Variants in SLC44A3 observed in about 807,000 individuals in gnomAD.
The protein encoded by SLC44A3 is choline transporter-like protein 3.
Under a neutral mutation model 75.4 loss-of-function variants are expected in SLC44A3, and 74 were observed. The observed-to-expected ratio is 0.98, with a 90% CI of 0.81 to 1.19. The LOEUF is 1.19. Among genes scored for constraint, SLC44A3 ranks in the 50% most tolerant of loss-of-function variants. The pLI, the probability that SLC44A3 is intolerant of heterozygous loss-of-function variation, is 0.00. For synonymous variants in SLC44A3, 310 were observed against 296.9 expected (o/e 1.04, Z -0.45); for missense variants, 700 against 778.6 (o/e 0.90, Z 1.20).
chr1:94,894,519 G>C (rs1281996721), intron 14 of SLC44A3, among the ~76,000 whole-genome samples: 1 of 152,152 alleles, frequency 6.6e-6, no homozygotes, highest in Non-Finnish European at 1.5e-5. Context: ...TTTGTTCCCA[G>C]CCACTAAGTG....
chr1:94,824,027 A>G (rs1016392581), intron 2 of SLC44A3, among the ~76,000 whole-genome samples: 2 of 152,196 alleles, frequency 1.3e-5, no homozygotes, highest in African/African-American at 4.8e-5. Flanking sequence ...GTTTCAGTAC[A>G]TATCAACTGT....
Position 94,824,584 on chromosome 1 carries a change from A to C in SLC44A3, c.227A>C (p.Asn76Thr). Residue 76 changes from asparagine to threonine, a missense_variant, in exon 3 of 15, where the codon AAC becomes ACC. Physicochemically the swap from Asn to Thr is moderately conservative, Grantham distance 65. Transcript: ENST00000271227. ...DSFGNMCGKK[N>T]SPVEGAPLSG... ...TTTGGCAACATGTGTGGCAAGAAGA[A>C]CTCCCCCGTGGAAGGGGCCCCTCTT... 6.2e-7 allele frequency: 1 copy of C among 1,610,548 alleles called. No homozygotes were observed.
At chr1:94,867,570 T>C (rs557361909) in intron 12 of SLC44A3, among the ~76,000 whole-genome samples, 153 bp downstream of exon 12, 111 of 152,344 alleles carry the variant, frequency 7.3e-4, no homozygotes, top group African/African-American at 2.6e-3. Context: ...AACCACTCAA[T>C]TCTGCCATCA....
chr1:94,858,814 C>A (rs1246984668), intron 10 of SLC44A3, among the ~76,000 whole-genome samples: 1 of 152,160 alleles, frequency 6.6e-6, no homozygotes, highest in Non-Finnish European at 1.5e-5. Context: ...GCCTCAGTCT[C>A]CCGAGTAGCT....
intron 9 of SLC44A3, among the ~76,000 whole-genome samples, chr1:94,852,177 T>C (rs1665296667): frequency 1.3e-5 from 2 of 152,150 alleles, no homozygotes; most frequent in Admixed American, 6.6e-5. Context: ...TTCTTCCAAT[T>C]TGGAGGGTAG....
rs111995885 is a variant in SLC44A3, at chr1:94,845,505, T to C, written c.1072+41T>C. 64 of 1,547,942 alleles carry C rather than the reference T, an allele frequency of 4.1e-5. No homozygotes were observed. The African/African-American group carries it at 6.8e-4, about 17-fold the overall frequency. ...TGTGGGTTCCATCACCTTGGAGTCA[T>C]ACACAGAAGACCATTTTGGAACCAC... On this transcript the variant is annotated intron_variant, in intron 9 of 14. Coordinates refer to ENST00000271227, the MANE Select transcript of SLC44A3 (RefSeq NM_001114106.3).
At chr1:94,854,527 G>A (rs1027007589) in intron 9 of SLC44A3, among the ~76,000 whole-genome samples, 1 of 152,222 alleles carries the variant, frequency 6.6e-6, no homozygotes, top group East Asian at 1.9e-4. Flanking sequence ...CAAAGCAACT[G>A]TCATGTGATG....
intron 14 of SLC44A3, among the ~76,000 whole-genome samples, 154 bp downstream of exon 14, chr1:94,892,671 G>A (rs3818929): frequency 0.09 from 13,753 of 152,138 alleles, 702 homozygotes; most frequent in Non-Finnish European, 0.11. Context: ...TGGGATTTGC[G>A]CTGAACTCTC....
chr1:94,861,528 A>G (rs926565876), intron 10 of SLC44A3, among the ~76,000 whole-genome samples: 19 of 152,220 alleles, frequency 1.2e-4, no homozygotes, highest in Admixed American at 2.0e-4. Flanking sequence ...AAAAAAATTA[A>G]TTTATAATAT....
intron 10 of SLC44A3, among the ~76,000 whole-genome samples, chr1:94,860,660 A>G (rs1234837677): frequency 2.0e-5 from 3 of 152,228 alleles, no homozygotes; most frequent in Non-Finnish European, 4.4e-5. Flanking sequence ...CCAACCTAGA[A>G]TTGTATAGCC....
At chr1:94,824,671 C>A (rs1468129120) in intron 3 of SLC44A3, 36 bp downstream of exon 3, 2 of 1,505,396 alleles carry the variant, frequency 1.3e-6, no homozygotes, top group Non-Finnish European at 1.8e-6. Context: ...CTGTAAGGAA[C>A]TGTACCTCAA....
chr1:94,894,640 C>T (rs1010919069), intron 14 of SLC44A3, among the ~76,000 whole-genome samples, 178 bp from the exon 15 acceptor site: 40 of 152,204 alleles, frequency 2.6e-4, no homozygotes, highest in Admixed American at 3.3e-4. Context: ...CCCATTTAGA[C>T]ACTCACTGTG....
At chr1:94,848,930 A>G (rs1181728447) in intron 9 of SLC44A3, among the ~76,000 whole-genome samples, 1 of 152,152 alleles carries the variant, frequency 6.6e-6, no homozygotes, top group African/African-American at 2.4e-5. Flanking sequence ...GGGATGCAGC[A>G]GAAGTCAAGG....
chr1:94,893,557 GAA>G (rs893670452), intron 14 of SLC44A3, among the ~76,000 whole-genome samples: 9 of 151,980 alleles, frequency 5.9e-5, no homozygotes, highest in Non-Finnish European at 1.3e-4. Flanking sequence ...TGTATTTTTA[GAA>G]GAGACGGGGT....
At chr1:94,883,670 C>T (rs891753227) in intron 12 of SLC44A3, among the ~76,000 whole-genome samples, 10 of 152,178 alleles carry the variant, frequency 6.6e-5, no homozygotes, top group African/African-American at 2.2e-4. Context: ...ACTGCCTAAA[C>T]TTAAAACCCT....
intron 5 of SLC44A3, among the ~76,000 whole-genome samples, chr1:94,829,579 G>A (rs6664186): frequency 6.6e-6 from 1 of 152,218 alleles, no homozygotes; most frequent in South Asian, 2.1e-4. Flanking sequence ...TTGCCATGGC[G>A]AATGGCTCAT....
In SLC44A3 at chr1:94,895,183, T is replaced by G; in HGVS notation, c.*261T>G. On this transcript the variant is annotated 3_prime_UTR_variant, in exon 15 of 15. Coordinates refer to ENST00000271227, the MANE Select transcript of SLC44A3 (RefSeq NM_001114106.3). Reference sequence around the variant, plus strand: ...ATATGCATCAACTTACAAAGTACACTATGTAAGAACTGAGGTAAGTTTGTA... The same window carrying G: ...ATATGCATCAACTTACAAAGTACACGATGTAAGAACTGAGGTAAGTTTGTA... 3.0e-6 allele frequency: 1 copy of G among 335,832 alleles called. No individual in the cohort carries two copies. Among genetic ancestry groups the G allele is most frequent in the Non-Finnish European group, 5.5e-6 (1 of 181,422 alleles). The allele number at this position is 335,832 out of a possible 1,614,324, so 20.8% of individuals were successfully genotyped here.
chr1:94,843,826 T>C (rs1050468117), intron 8 of SLC44A3, among the ~76,000 whole-genome samples: 1 of 117,028 alleles, frequency 8.5e-6, no homozygotes, highest in South Asian at 2.9e-4. Flanking sequence ...GTTTGCGCTT[T>C]ACAAAGGTCC....
intron 9 of SLC44A3, 35 bp from the exon 10 acceptor site, chr1:94,857,300 A>G (rs745912812): frequency 2.6e-6 from 4 of 1,541,216 alleles, no homozygotes; most frequent in Middle Eastern, 3.5e-4. Flanking sequence ...TTAGGAAAAC[A>G]TTGGTGTAAA....
Sources: gnomAD v4.1 joint callset for allele counts (sites outside exome capture counted in the v4.1 genomes callset) on GRCh38, gnomAD v4.1.1 for gene constraint, MANE v1.5 for transcripts, NCBI Gene and HGNC (gene_info 2026-07-23, HGNC 2026-07-21) for gene names.